Variants in FBXO45 observed in about 807,000 individuals in gnomAD.
FBXO45 encodes the protein F-box protein 45.
FBXO45 carries 3 observed loss-of-function variants against 25.5 expected under a neutral mutation model. The observed-to-expected ratio is 0.12, with a 90% CI of 0.05 to 0.30. The LOEUF (loss-of-function observed/expected upper bound fraction) is 0.30, where lower values mean the gene tolerates loss of function less well. Ranked by LOEUF, FBXO45 falls within the 10% of genes least tolerant of loss-of-function variation. The probability of loss-of-function intolerance (pLI) is 1.00; values close to 1 mark genes in which losing one functional copy is unlikely to be tolerated. For missense variants in FBXO45, 219 were observed against 365.0 expected, an observed-to-expected ratio of 0.60 and a Z score of 3.26; for synonymous variants, 155 against 149.8, an observed-to-expected ratio of 1.03 and a Z score of -0.25.
chr3:196,583,593 C>T (rs1736055260), intron 2 of FBXO45, among the ~76,000 whole-genome samples: 2 of 151,678 alleles, frequency 1.3e-5, no homozygotes, highest in African/African-American at 4.9e-5. Context: ...TAAAATATGC[C>T]AAGTTATAGA....
At chr3:196,575,191 C>A (rs1015622958) in intron 1 of FBXO45, among the ~76,000 whole-genome samples, 6 of 152,202 alleles carry the variant, frequency 3.9e-5, no homozygotes, top group African/African-American at 1.4e-4. Context: ...CGTGGTGGCT[C>A]ACGCCTGTAA....
intron 1 of FBXO45, among the ~76,000 whole-genome samples, chr3:196,570,516 C>G (rs1735797534): frequency 6.6e-6 from 1 of 152,048 alleles, no homozygotes; most frequent in Non-Finnish European, 1.5e-5. Flanking sequence ...GGATTAGAGG[C>G]GTGAGCCACC....
Position 196,584,022 on chromosome 3 carries a change from A to AC in FBXO45, c.676-111_676-110insC. 9.7e-7 allele frequency: 1 copy of AC among 1,029,788 alleles called. No homozygotes were observed. Among genetic ancestry groups the AC allele is most frequent in the Non-Finnish European group, 1.4e-6 (1 of 706,152 alleles). The allele number at this position is 1,029,788 out of a possible 1,614,324, so 63.8% of individuals were successfully genotyped here. A position where few individuals can be genotyped will look rare whatever the true frequency, so the allele number is the denominator to read the frequency against. On this transcript the variant is annotated intron_variant, in intron 2 of 2. Coordinates refer to ENST00000311630, the MANE Select transcript of FBXO45 (RefSeq NM_001105573.2). The surrounding 1 kb of genome is among the most constrained non-coding windows in gnomAD (Gnocchi z 4.3). ...AAAGCTTCCCTTCTGATTTTTCTAG[A>AC]TAGCTTTCAGGATAATATTCTTAAT... is the stretch of plus-strand genomic sequence containing the variant.
intron 2 of FBXO45, among the ~76,000 whole-genome samples, chr3:196,580,723 G>T (rs1214567081): frequency 1.3e-5 from 2 of 151,134 alleles, no homozygotes; most frequent in East Asian, 3.9e-4. Context: ...CTATGTTCTT[G>T]TTTTTTCCCC....
At position 196,588,079 on chromosome 3, in the gene FBXO45, C is replaced by T. The variant is rs1577602377; in HGVS notation, c.*3761C>T. 1.3e-5 allele frequency: 2 copies of T among 152,254 alleles called. No individual in the cohort carries two copies. The highest frequency in any genetic ancestry group is 2.9e-5 in the Non-Finnish European group (2 of 68,128). 9.4% of individuals were successfully genotyped at this position (152,254 alleles called of 1,614,324 possible). A position where few individuals can be genotyped will look rare whatever the true frequency, so the allele number is the denominator to read the frequency against. The stretch of plus-strand genomic sequence containing the variant: ...CCCGAGTAGCTGGGATTACAGGCAC[C>T]TGCCACCATGCCTGGCTAATTTTTG... On this transcript the variant is annotated 3_prime_UTR_variant, in exon 3 of 3. Transcript: ENST00000311630. The surrounding 1 kb of genome is among the most constrained non-coding windows in gnomAD (Gnocchi z 4.2).
chr3:196,568,986 T>TGGCGGC lies in FBXO45; in HGVS notation c.4_9dup (p.Ala2_Ala3dup), dbSNP rs1200220536. On this transcript the variant is annotated inframe_insertion, in exon 1 of 3. Coordinates refer to ENST00000311630, the MANE Select transcript of FBXO45 (RefSeq NM_001105573.2). ...GCCCTAGGGCCGGCTGGTGAGGCGA[T>TGGCGGC]GGCGGCGCCGGCCCCGGGGGCTGGG... 1 of 988,950 alleles carries TGGCGGC rather than the reference T, an allele frequency of 1.0e-6. No homozygotes were observed. The highest frequency in any genetic ancestry group is 1.8e-5 in the African/African-American group (1 of 56,662). 61.3% of individuals were successfully genotyped at this position (988,950 alleles called of 1,614,324 possible).
intron 1 of FBXO45, among the ~76,000 whole-genome samples, chr3:196,570,075 C>G (rs1187015943): frequency 6.6e-6 from 1 of 152,136 alleles, no homozygotes; most frequent in African/African-American, 2.4e-5. Context: ...TGTCAAGGAA[C>G]AAGTTGTGGT....
At chr3:196,579,952 C>G (rs936274466) in intron 2 of FBXO45, among the ~76,000 whole-genome samples, 1 of 151,918 alleles carries the variant, frequency 6.6e-6, no homozygotes, top group Non-Finnish European at 1.5e-5. Context: ...CTACACAGCA[C>G]ATAGTTGGAT....
At chr3:196,571,353 G>A (rs1263427277) in intron 1 of FBXO45, among the ~76,000 whole-genome samples, 1 of 151,982 alleles carries the variant, frequency 6.6e-6, no homozygotes, top group Admixed American at 6.6e-5. Flanking sequence ...TTAGCCTCCC[G>A]AGTAGCTGGC....
At position 196,569,327 on chromosome 3, in the gene FBXO45, C is replaced by G. The variant is rs1656052020; in HGVS notation, c.318+25C>G. ...GGTGAGAGAGCCCCGGGCCACACCGCTGCCCCCAGTCCCGCTCCCCGGCGT... is the reference window on the plus strand; with the variant it reads ...GGTGAGAGAGCCCCGGGCCACACCGGTGCCCCCAGTCCCGCTCCCCGGCGT... On this transcript the variant is annotated intron_variant, in intron 1 of 2. Coordinates refer to ENST00000311630, the MANE Select transcript of FBXO45 (RefSeq NM_001105573.2). The surrounding 1 kb of genome is among the most constrained non-coding windows in gnomAD (Gnocchi z 4.1). 7 of 1,484,004 alleles carry G rather than the reference C, an allele frequency of 4.7e-6. No individual in the cohort carries two copies. The South Asian group carries it at 7.8e-5, about 16-fold the overall frequency. The allele number at this position is 1,484,004 out of a possible 1,614,324, so 91.9% of individuals were successfully genotyped here.
chr3:196,576,182 G>A (rs1735911174), intron 1 of FBXO45, among the ~76,000 whole-genome samples: 1 of 152,146 alleles, frequency 6.6e-6, no homozygotes, highest in South Asian at 2.1e-4. Context: ...AGGTGGTGAG[G>A]GGACTGGATC....
intron 2 of FBXO45, among the ~76,000 whole-genome samples, chr3:196,583,304 G>T (rs1312480139): frequency 1.3e-5 from 2 of 152,092 alleles, no homozygotes; most frequent in Non-Finnish European, 2.9e-5. Context: ...TCAGGAGATG[G>T]AGACCATCCT....
At chr3:196,576,762 AAAAT>A (rs1345749375) in intron 1 of FBXO45, among the ~76,000 whole-genome samples, 11 of 152,348 alleles carry the variant, frequency 7.2e-5, no homozygotes, top group African/African-American at 2.6e-4. Flanking sequence ...TTGATTTGGT[AAAAT>A]GAGATTGGTG....
Position 196,585,658 on chromosome 3 carries a change from C to T in FBXO45, c.*1340C>T, listed in dbSNP as rs983505889. 4 of 152,308 alleles carry T rather than the reference C, an allele frequency of 2.6e-5. No individual in the cohort carries two copies. The highest frequency in any genetic ancestry group is 4.4e-5 in the Non-Finnish European group (3 of 68,022). The allele number at this position is 152,308 out of a possible 1,614,324, so 9.4% of individuals were successfully genotyped here. On this transcript the variant is annotated 3_prime_UTR_variant, in exon 3 of 3. Coordinates refer to ENST00000311630, the MANE Select transcript of FBXO45 (RefSeq NM_001105573.2). ...GACTTACAAATCTTGTTTCTCATCA[C>T]TAAAATGCTTTTGAATTAATAATCC...
rs1420300354 is a variant in FBXO45 at position 196,577,493 on chromosome 3, C to T, written c.359C>T (p.Ser120Phe). The change falls in exon 2 of 3, where the codon TCC becomes TTC. Residue 120 changes from serine (S) to phenylalanine (F), a missense_variant. Physicochemically the swap from Ser to Phe is radical, Grantham distance 155. Coordinates refer to ENST00000311630, the MANE Select transcript of FBXO45 (RefSeq NM_001105573.2). ...FQHAFSTNDC[S>F]RNVYIKKNGF... ...CATGCCTTCAGCACTAATGACTGCTCCAGGAATGTCTACATTAAGAAGAAT... is the reference window on the plus strand; with the variant it reads ...CATGCCTTCAGCACTAATGACTGCTTCAGGAATGTCTACATTAAGAAGAAT... 1.2e-6 allele frequency: 2 copies of T among 1,613,042 alleles called. No individual in the cohort carries two copies. Among genetic ancestry groups the T allele is most frequent in the African/African-American group, 1.3e-5 (1 of 74,894 alleles).
intron 1 of FBXO45, among the ~76,000 whole-genome samples, chr3:196,576,604 T>C (rs1036020006): frequency 1.3e-5 from 2 of 152,248 alleles, no homozygotes; most frequent in African/African-American, 2.4e-5. Flanking sequence ...GAAATTGTTA[T>C]TGTTTGTATA....
chr3:196,578,059 T>TTTTTTTTTTTTTTTTTTG (rs1318938537), intron 2 of FBXO45, among the ~76,000 whole-genome samples: 1 of 148,834 alleles, frequency 6.7e-6, no homozygotes, highest in African/African-American at 2.5e-5. Flanking sequence ...TTTTTTTTTT[T>TTTTTTTTTTTTTTTTTTG]AGACAGAATC....
chr3:196,578,978 A>G (rs1262675893), intron 2 of FBXO45, among the ~76,000 whole-genome samples: 1 of 152,172 alleles, frequency 6.6e-6, no homozygotes, highest in African/African-American at 2.4e-5. Context: ...TACCCCAGTA[A>G]ATACAGCTCT....
chr3:196,577,370 C>A, intron 1 of FBXO45, 83 bp from the exon 2 acceptor site: 1 of 1,042,054 alleles, frequency 9.6e-7, no homozygotes, highest in Non-Finnish European at 1.4e-6. Flanking sequence ...TATTTAAAAA[C>A]ATACAGCGTG....
Sources: allele counts gnomAD v4.1 joint callset (sites outside exome capture counted in the v4.1 genomes callset), GRCh38; gene constraint gnomAD v4.1.1; non-coding constraint Gnocchi (gnomAD v3.1); transcripts MANE v1.5; gene names NCBI Gene and HGNC (gene_info 2026-07-23, HGNC 2026-07-21).